Variants in PFDN1 observed in about 807,000 individuals in gnomAD.
PFDN1 encodes the protein prefoldin 1.
Under a neutral mutation model 17.3 loss-of-function variants are expected in PFDN1, and 6 were observed. The observed-to-expected ratio is 0.35, with a 90% confidence interval of 0.19 to 0.69. The LOEUF (loss-of-function observed/expected upper bound fraction) is 0.69, where lower values mean the gene tolerates loss of function less well. Among genes scored for constraint, PFDN1 ranks in the 30% least tolerant of loss-of-function variants. The pLI is 0.65. For missense variants in PFDN1, 113 were observed against 146.2 expected, an observed-to-expected ratio of 0.77 and a Z score of 1.17; for synonymous variants, 58 against 50.1, an observed-to-expected ratio of 1.16 and a Z score of -0.67.
chr5:140,297,419 CA>C (rs1244568764), intron 2 of PFDN1, among the ~76,000 whole-genome samples: 1 of 152,184 alleles, frequency 6.6e-6, no homozygotes, highest in Non-Finnish European at 1.5e-5. Flanking sequence ...TAATACTCAG[CA>C]AGTCTTTTCT....
intron 3 of PFDN1, among the ~76,000 whole-genome samples, chr5:140,261,527 G>C (rs1305753171): frequency 6.6e-6 from 1 of 152,126 alleles, no homozygotes; most frequent in Non-Finnish European, 1.5e-5. Flanking sequence ...AAAGGACCGG[G>C]AGACAGTGAA....
chr5:140,247,637 G>T (rs777317719), intron 3 of PFDN1, among the ~76,000 whole-genome samples: 1 of 152,172 alleles, frequency 6.6e-6, no homozygotes, highest in Non-Finnish European at 1.5e-5. Flanking sequence ...GAACACAACA[G>T]GAGCTCCATA....
intron 3 of PFDN1, among the ~76,000 whole-genome samples, chr5:140,269,349 G>A (rs1305563386): frequency 1.4e-5 from 2 of 145,862 alleles, no homozygotes; most frequent in East Asian, 2.0e-4. Flanking sequence ...ATGGAGCTTC[G>A]CTCTTATTGC....
At chr5:140,246,410 G>A (rs1176832446) in intron 3 of PFDN1, among the ~76,000 whole-genome samples, 1 of 152,250 alleles carries the variant, frequency 6.6e-6, no homozygotes, top group Non-Finnish European at 1.5e-5. Context: ...CAAAGCTCCT[G>A]TCCGTAACAG....
intron 2 of PFDN1, among the ~76,000 whole-genome samples, chr5:140,285,655 AT>A (rs969146598): frequency 2.3e-4 from 35 of 151,808 alleles, no homozygotes; most frequent in African/African-American, 8.0e-4. Context: ...GGAAAAAAAA[AT>A]TTTTTTTTAA....
At chr5:140,288,263 G>A (rs1765527456) in intron 2 of PFDN1, among the ~76,000 whole-genome samples, 1 of 152,178 alleles carries the variant, frequency 6.6e-6, no homozygotes, top group African/African-American at 2.4e-5. Flanking sequence ...AAGACACAGA[G>A]GAGCCTTAAA....
At chr5:140,253,002 G>C (rs1764936124) in intron 3 of PFDN1, among the ~76,000 whole-genome samples, 1 of 152,228 alleles carries the variant, frequency 6.6e-6, no homozygotes, top group Non-Finnish European at 1.5e-5. Context: ...CACTTCACCA[G>C]AGGACACAGC....
chr5:140,280,014 C>CCAAAAAAAAAAAAAAAAAA (rs1335205089), intron 3 of PFDN1, among the ~76,000 whole-genome samples: 6 of 99,104 alleles, frequency 6.1e-5, no homozygotes, highest in Admixed American at 2.1e-4. Context: ...AAAAAAAAAA[C>CCAAAAAAAAAAAAAAAAAA]AAAAAAAGAA....
chr5:140,282,598 AT>A (rs1432438748), intron 2 of PFDN1, among the ~76,000 whole-genome samples: 2 of 152,204 alleles, frequency 1.3e-5, no homozygotes, highest in Non-Finnish European at 2.9e-5. Context: ...ACAAGTGGAA[AT>A]TTTCAACTTT....
intron 2 of PFDN1, among the ~76,000 whole-genome samples, chr5:140,285,771 G>A (rs1363180028): frequency 3.3e-5 from 5 of 152,132 alleles, no homozygotes; most frequent in Non-Finnish European, 7.4e-5. Flanking sequence ...CTTTCATCCT[G>A]AGAGTTTATG....
At chr5:140,252,043 AAG>A (rs1300087278) in intron 3 of PFDN1, among the ~76,000 whole-genome samples, 1 of 150,494 alleles carries the variant, frequency 6.6e-6, no homozygotes, top group African/African-American at 2.5e-5. Flanking sequence ...GGGTATTGAA[AAG>A]AGTTTTCTCC....
At chr5:140,250,240 G>A (rs1024396479) in intron 3 of PFDN1, among the ~76,000 whole-genome samples, 4 of 151,996 alleles carry the variant, frequency 2.6e-5, no homozygotes, top group African/African-American at 9.7e-5. Flanking sequence ...CTAAATCTCC[G>A]ACCTCACCTC....
chr5:140,287,630 A>G (rs777002656), intron 2 of PFDN1, among the ~76,000 whole-genome samples: 2 of 152,244 alleles, frequency 1.3e-5, no homozygotes, highest in Non-Finnish European at 2.9e-5. Flanking sequence ...AGTACAGTAA[A>G]AACAAAAAGC....
chr5:140,253,134 C>T (rs1764938717), intron 3 of PFDN1, among the ~76,000 whole-genome samples: 1 of 152,216 alleles, frequency 6.6e-6, no homozygotes. Context: ...GTCCCTGCAT[C>T]TTCTAGATAC....
Position 140,245,793 on chromosome 5 carries a change from G to C in PFDN1, c.*181C>G, listed in dbSNP as rs181692055. 1.6e-6 allele frequency: 1 copy of C among 614,340 alleles called. No individual in the cohort carries two copies. Among genetic ancestry groups the C allele is most frequent in the Non-Finnish European group, 2.9e-6 (1 of 344,296 alleles). The allele number at this position is 614,340 out of a possible 1,614,324, so 38.1% of individuals were successfully genotyped here. A position where few individuals can be genotyped will look rare whatever the true frequency, so the allele number is the denominator to read the frequency against. The stretch of plus-strand genomic sequence containing the variant: ...CTGGGCAGAGGTGGCAGGCAAAGCC[G>C]GGTAAAAACTCCAGGGCTGGGAAGC... On this transcript the variant is annotated 3_prime_UTR_variant, in exon 4 of 4. Transcript: ENST00000261813.
At chr5:140,280,017 A>AAG (rs1554072402) in intron 3 of PFDN1, among the ~76,000 whole-genome samples, 3 of 145,624 alleles carry the variant, frequency 2.1e-5, no homozygotes, top group East Asian at 2.0e-4. Context: ...AAAAAAACAA[A>AAG]AAAAGAAAAG....
chr5:140,274,527 C>A (rs1342381523), intron 3 of PFDN1, among the ~76,000 whole-genome samples: 1 of 152,152 alleles, frequency 6.6e-6, no homozygotes, highest in Admixed American at 6.5e-5. Flanking sequence ...TGTATTTTCT[C>A]GTGAATAGGA....
intron 1 of PFDN1, among the ~76,000 whole-genome samples, chr5:140,302,204 T>A (rs1581101904): frequency 6.6e-6 from 1 of 152,216 alleles, no homozygotes; most frequent in Non-Finnish European, 1.5e-5. Flanking sequence ...GACAGACTTT[T>A]CTGGCACTGG....
intron 2 of PFDN1, among the ~76,000 whole-genome samples, chr5:140,295,916 T>C (rs1459565672): frequency 3.9e-5 from 6 of 152,152 alleles, no homozygotes; most frequent in African/African-American, 7.2e-5. Flanking sequence ...TAAAAATACA[T>C]TGATATTATT....
Sources: gnomAD v4.1 joint callset for allele counts (sites outside exome capture counted in the v4.1 genomes callset) on GRCh38, gnomAD v4.1.1 for gene constraint, MANE v1.5 for transcripts, NCBI Gene and HGNC (gene_info 2026-07-23, HGNC 2026-07-21) for gene names.